PCDHGB4: variants seen among roughly 807,000 people sequenced by gnomAD.
PCDHGB4 encodes the protein protocadherin gamma subfamily B, 4, also known as protocadherin gamma-B4.
PCDHGB4 carries 38 observed loss-of-function variants against 60.5 expected under a neutral mutation model. The observed-to-expected ratio is 0.63, with a 90% CI of 0.48 to 0.82. The LOEUF (loss-of-function observed/expected upper bound fraction) is 0.82, where lower values mean the gene tolerates loss of function less well. Among genes scored for constraint, PCDHGB4 ranks in the 40% least tolerant of loss-of-function variants. PCDHGB4 has a pLI of 0.00. For missense variants in PCDHGB4, 1,109 were observed against 1,209.6 expected (o/e 0.92, Z 1.23); for synonymous variants, 456 against 509.7 (o/e 0.89, Z 1.42).
At position 141,493,332 on chromosome 5, in the gene PCDHGB4, C is replaced by T. The variant is rs2099747680; in HGVS notation, c.2398-1475C>T. 6.6e-6 allele frequency among the ~76,000 whole-genome samples: 1 copy of T among 152,210 alleles called. No homozygotes were observed. The highest frequency in any genetic ancestry group is 1.5e-5 in the Non-Finnish European group (1 of 68,036). Reference sequence around the variant, plus strand: ...AAGAGAGATTCTAACCCCTGTCTAACTCCAGAATGTGTGCTTTTAATTTCT... The same window carrying T: ...AAGAGAGATTCTAACCCCTGTCTAATTCCAGAATGTGTGCTTTTAATTTCT... On this transcript the variant is annotated intron_variant, in intron 1 of 3. Transcript: ENST00000519479. This position sits in a 1 kb window ranked among gnomAD's most constrained non-coding sequence, Gnocchi z 4.3.
rs761126985 is a variant in PCDHGB4 at position 141,431,245 on chromosome 5, C to G, written c.2397+40964C>G. ...TACCCCACGCCTGGGATCCGGATAT[C>G]GGGAAGAACTCTCTGCAGAGCTACG... is the stretch of plus-strand genomic sequence containing the variant. On this transcript the variant is annotated intron_variant, in intron 1 of 3. Transcript: ENST00000519479. This position sits in a 1 kb window ranked among gnomAD's most constrained non-coding sequence, Gnocchi z 4.8. 1.2e-6 allele frequency: 2 copies of G among 1,614,016 alleles called. No homozygotes were observed. Among genetic ancestry groups the G allele is most frequent in the Non-Finnish European group, 1.7e-6 (2 of 1,180,046 alleles).
chr5:141,465,429 A>G (rs1191638112), intron 1 of PCDHGB4, among the ~76,000 whole-genome samples: 2 of 152,316 alleles, frequency 1.3e-5, no homozygotes, highest in East Asian at 3.9e-4. Context: ...AAAGGTGGGC[A>G]CTTAATGATT....
chr5:141,400,524 G>T, intron 1 of PCDHGB4: 1 of 1,613,920 alleles, frequency 6.2e-7, no homozygotes, highest in Non-Finnish European at 8.5e-7. Flanking sequence ...ATCCTGAGTT[G>T]GTGAGTTTCA....
intron 1 of PCDHGB4, chr5:141,393,113 G>A: frequency 1.2e-6 from 2 of 1,613,500 alleles, no homozygotes; most frequent in Non-Finnish European, 8.5e-7. Context: ...CTCAGAGCCC[G>A]CGGTGTCTGA....
At chr5:141,407,563 A>T (rs1483622352) in intron 1 of PCDHGB4, among the ~76,000 whole-genome samples, 1 of 152,032 alleles carries the variant, frequency 6.6e-6, no homozygotes, top group Non-Finnish European at 1.5e-5. Context: ...ACATAAGCTG[A>T]AAGATAAAAT....
chr5:141,505,509 G>A (rs778054090), intron 3 of PCDHGB4, 28 bp downstream of exon 3: 1 of 1,613,940 alleles, frequency 6.2e-7, no homozygotes, highest in Non-Finnish European at 8.5e-7. Context: ...GTGTATGGAA[G>A]AGTGGGAGAC....
chr5:141,431,397 C>A lies in PCDHGB4; in HGVS notation c.2397+41116C>A. ...AAGGCTGCTCACCACCTGGTCCTTA[C>A]GGCCTCCGACGGGGGCGACCCGGTG... On this transcript the variant is annotated intron_variant, in intron 1 of 3. Coordinates refer to ENST00000519479, the MANE Select transcript of PCDHGB4 (RefSeq NM_003736.4). The surrounding 1 kb of genome is among the most constrained non-coding windows in gnomAD (Gnocchi z 4.8). 3.1e-6 allele frequency: 5 copies of A among 1,613,782 alleles called. No individual in the cohort carries two copies. Among genetic ancestry groups the A allele is most frequent in the Non-Finnish European group, 4.2e-6 (5 of 1,180,034 alleles).
intron 1 of PCDHGB4, chr5:141,415,512 T>C (rs997659180): frequency 1.9e-6 from 3 of 1,614,234 alleles, no homozygotes; most frequent in Non-Finnish European, 2.5e-6. Context: ...AGCCCAATTA[T>C]GCGGACACGC....
chr5:141,511,288 C>G lies in PCDHGB4; in HGVS notation c.*115C>G. ...CTAACCCCCAGAATACTGGTAGGGG[C>G]CAAGGCCATGCTCCCCTTGGGAAAC... On this transcript the variant is annotated 3_prime_UTR_variant, in exon 4 of 4. Transcript: ENST00000519479. 6.6e-7 allele frequency: 1 copy of G among 1,518,266 alleles called. No homozygotes were observed. The highest frequency in any genetic ancestry group is 8.9e-7 in the Non-Finnish European group (1 of 1,129,706). The allele number at this position is 1,518,266 out of a possible 1,614,324, so 94.0% of individuals were successfully genotyped here.
rs552017054 is a variant in PCDHGB4 at position 141,425,594 on chromosome 5, A to G, written c.2397+35313A>G. On this transcript the variant is annotated intron_variant, in intron 1 of 3. Transcript: ENST00000519479. ...GGGTTTGGCTAACTTTATTCTGAAT[A>G]TGCCCTATATAGCTTTCAGTGCTCC... 2.6e-5 allele frequency among the ~76,000 whole-genome samples: 4 copies of G among 152,370 alleles called. No homozygotes were observed. In the South Asian group the frequency reaches 8.3e-4, roughly 32 times the overall value.
intron 1 of PCDHGB4, chr5:141,418,614 G>C: frequency 1.2e-6 from 2 of 1,613,994 alleles, no homozygotes; most frequent in Non-Finnish European, 1.7e-6. Flanking sequence ...GTTAGCCTTC[G>C]GGAAGACGTG....
chr5:141,393,635 C>T, intron 1 of PCDHGB4: 2 of 1,613,868 alleles, frequency 1.2e-6, no homozygotes, highest in East Asian at 4.5e-5. Context: ...AGGGAATCAA[C>T]GGAAAAGTGG....
At chr5:141,414,143 T>C (rs887054185) in intron 1 of PCDHGB4, 1 of 1,597,122 alleles carries the variant, frequency 6.3e-7, no homozygotes, top group Non-Finnish European at 8.5e-7. Flanking sequence ...GAAATAGAAA[T>C]ACAAGCAGAA....
chr5:141,415,149 C>T, intron 1 of PCDHGB4: 1 of 1,613,796 alleles, frequency 6.2e-7, no homozygotes, highest in Middle Eastern at 1.6e-4. Context: ...AGCCCCCTCT[C>T]TCCGCCACTG....
At chr5:141,430,918 G>T (rs766412276) in intron 1 of PCDHGB4, 2 of 1,607,866 alleles carry the variant, frequency 1.2e-6, no homozygotes, top group South Asian at 2.2e-5. Context: ...GGGACCTGGG[G>T]CTGGAGCCCC....
Position 141,404,574 on chromosome 5 carries a change from C to G in PCDHGB4, c.2397+14293C>G, listed in dbSNP as rs185791741. 3 of 1,613,908 alleles carry G rather than the reference C, an allele frequency of 1.9e-6. No individual in the cohort carries two copies. The East Asian group carries it at 6.7e-5, about 36-fold the overall frequency. The stretch of plus-strand genomic sequence containing the variant: ...ACGGCAAGTGACAGTGGAAGCCCAC[C>G]ACTTAGCAGCAATGTGTCATTGAGA... On this transcript the variant is annotated intron_variant, in intron 1 of 3. Coordinates refer to ENST00000519479, the MANE Select transcript of PCDHGB4 (RefSeq NM_003736.4).
At chr5:141,422,690 T>C (rs1384522137) in intron 1 of PCDHGB4, 1 of 1,603,790 alleles carries the variant, frequency 6.2e-7, no homozygotes, top group African/African-American at 1.3e-5. Flanking sequence ...AATGCCCTGG[T>C]CACTTACTCT....
intron 1 of PCDHGB4, chr5:141,409,727 G>A (rs1000014772): frequency 6.2e-7 from 1 of 1,613,158 alleles, no homozygotes; most frequent in South Asian, 1.1e-5. Context: ...GTCAGTGAGC[G>A]CGCAGAGCGG....
At position 141,409,157 on chromosome 5, in the gene PCDHGB4, G is replaced by C. The variant is rs774813801; in HGVS notation, c.2397+18876G>C. 4 of 1,614,054 alleles carry C rather than the reference G, an allele frequency of 2.5e-6. No homozygotes were observed. In the South Asian group the frequency reaches 4.4e-5, roughly 18 times the overall value. ...AGATGTAGAAAGGTACACCATGGAA[G>C]TGGAAGCGAAGGACGGAGGTGGTCT... On this transcript the variant is annotated intron_variant, in intron 1 of 3. Coordinates refer to ENST00000519479, the MANE Select transcript of PCDHGB4 (RefSeq NM_003736.4).
Sources: allele counts gnomAD v4.1 joint callset (sites outside exome capture counted in the v4.1 genomes callset), GRCh38; gene constraint gnomAD v4.1.1; non-coding constraint Gnocchi (gnomAD v3.1); transcripts MANE v1.5; gene names NCBI Gene and HGNC (gene_info 2026-07-23, HGNC 2026-07-21).